NCKAP5: variants seen among roughly 807,000 people sequenced by gnomAD.
The protein encoded by NCKAP5 is NCK associated protein 5, also known as nck-associated protein 5.
Under a neutral mutation model 167.0 loss-of-function variants are expected in NCKAP5, and 92 were observed. That is an observed-to-expected ratio of 0.55 (90% CI 0.47 to 0.66). The LOEUF (loss-of-function observed/expected upper bound fraction) is 0.66, where lower values mean the gene tolerates loss of function less well. NCKAP5 is among the 30% of genes least tolerant of loss of function. NCKAP5 has a pLI of 0.00. For missense variants in NCKAP5, 2,378 were observed against 2,315.0 expected (o/e 1.03, Z -0.56); for synonymous variants, 891 against 877.4 (o/e 1.02, Z -0.27).
At chr2:133,238,309 A>T (rs2150285056) in intron 4 of NCKAP5, among the ~76,000 whole-genome samples, 1 of 152,294 alleles carries the variant, frequency 6.6e-6, no homozygotes, top group East Asian at 1.9e-4. Context: ...CAGTGGATAG[A>T]ACTCAATCTC....
chr2:133,263,834 C>CT (rs11424182), intron 4 of NCKAP5, among the ~76,000 whole-genome samples: 4,012 of 152,096 alleles, frequency 0.026, 160 homozygotes, highest in African/African-American at 0.087. Context: ...CACACAAACT[C>CT]TTTTTTTTAT....
chr2:132,788,732 C>A lies in NCKAP5; in HGVS notation c.1092+1291G>T, dbSNP rs560104844. Among the ~76,000 whole-genome samples the A allele has an allele frequency of 2.0e-5, 3 of 152,278 alleles. No homozygotes were observed. The East Asian group carries it at 5.8e-4, about 29-fold the overall frequency. ...CCTTTCTGTTTGTACACAAGTAAAA[C>A]ATACTTGTGAGCTCAAAAAGCACAA... On this transcript the variant is annotated intron_variant, in intron 13 of 19. Transcript: ENST00000409261.
chr2:133,177,699 C>T (rs913942608), intron 5 of NCKAP5, among the ~76,000 whole-genome samples: 6 of 152,296 alleles, frequency 3.9e-5, no homozygotes, highest in South Asian at 2.1e-4. Context: ...GGCACCCCAA[C>T]AACACCCATG....
At chr2:132,973,047 T>C (rs2076879895) in intron 7 of NCKAP5, among the ~76,000 whole-genome samples, 1 of 152,126 alleles carries the variant, frequency 6.6e-6, no homozygotes, top group Non-Finnish European at 1.5e-5. Flanking sequence ...AACATTTTCA[T>C]CCCAACTCCA....
intron 9 of NCKAP5, among the ~76,000 whole-genome samples, chr2:132,875,193 T>C (rs1691172074): frequency 6.6e-6 from 1 of 152,088 alleles, no homozygotes; most frequent in African/African-American, 2.4e-5. Flanking sequence ...CAGAGTCAGA[T>C]GGGAATCTCT....
At chr2:132,761,471 T>C (rs1681002151) in intron 16 of NCKAP5, among the ~76,000 whole-genome samples, 1 of 152,252 alleles carries the variant, frequency 6.6e-6, no homozygotes, top group East Asian at 1.9e-4. Flanking sequence ...CTTGCTCCTA[T>C]GGATTCTGGC....
chr2:132,806,325 T>A (rs1002109394), intron 11 of NCKAP5, among the ~76,000 whole-genome samples: 2 of 152,122 alleles, frequency 1.3e-5, no homozygotes, highest in Non-Finnish European at 1.5e-5. Context: ...GTAGTTATAT[T>A]TTTAGTTCTT....
In NCKAP5 at chr2:133,159,887, G is replaced by A. The variant is rs552619708; in HGVS notation, c.208-29776C>T. ...AGCCTCCTAAATTAAACAGTGGCTT[G>A]AAAAATGTTCTCAGGGGTCACTCTA... is the stretch of plus-strand genomic sequence containing the variant. On this transcript the variant is annotated intron_variant, in intron 5 of 19. Coordinates refer to ENST00000409261, the MANE Select transcript of NCKAP5 (RefSeq NM_207363.3). 7.1e-4 allele frequency among the ~76,000 whole-genome samples: 108 copies of A among 152,182 alleles called. 2 individuals are homozygous for A. In the South Asian group the frequency reaches 7.7e-3, roughly 11 times the overall value.
intron 3 of NCKAP5, among the ~76,000 whole-genome samples, chr2:133,403,316 T>TA (rs1688217500): frequency 6.6e-6 from 1 of 152,194 alleles, no homozygotes; most frequent in South Asian, 2.1e-4. Flanking sequence ...GCCACAGTAT[T>TA]AAAAAATACA....
chr2:132,980,776 A>C (rs550503900), intron 7 of NCKAP5, among the ~76,000 whole-genome samples: 1 of 152,124 alleles, frequency 6.6e-6, no homozygotes, highest in African/African-American at 2.4e-5. Context: ...GCTCAGAAGA[A>C]AAAAAAAGGT....
chr2:133,535,953 C>T (rs1685731616), intron 2 of NCKAP5, among the ~76,000 whole-genome samples: 1 of 151,384 alleles, frequency 6.6e-6, no homozygotes, highest in East Asian at 1.9e-4. Context: ...TGAAAAATGT[C>T]TGTTCACCTC....
At chr2:133,103,499 T>C (rs1291609071) in intron 6 of NCKAP5, among the ~76,000 whole-genome samples, 1 of 152,184 alleles carries the variant, frequency 6.6e-6, no homozygotes, top group Non-Finnish European at 1.5e-5. Context: ...GCATTATTTA[T>C]ATGGAAGCTG....
At chr2:133,272,084 T>C (rs2089539452) in intron 4 of NCKAP5, among the ~76,000 whole-genome samples, 1 of 151,950 alleles carries the variant, frequency 6.6e-6, no homozygotes, top group Admixed American at 6.6e-5. Flanking sequence ...ATAGGAAAAT[T>C]AGAAAAATTT....
At position 132,777,218 on chromosome 2, in the gene NCKAP5, T is replaced by C. The variant is rs2104986131; in HGVS notation, c.5050-3324A>G. The stretch of plus-strand genomic sequence containing the variant: ...CTCTGCAGTTCTAGTTAGGAACTAC[T>C]CCAAACACCAGTCTGCAACAGGCAA... On this transcript the variant is annotated intron_variant, in intron 15 of 19. Transcript: ENST00000409261. Among the ~76,000 whole-genome samples the C allele has an allele frequency of 1.3e-5, 2 of 152,266 alleles. 1 individual carries two copies. Among genetic ancestry groups the C allele is most frequent in the South Asian group, 4.1e-4 (2 of 4,822 alleles).
chr2:133,628,707 G>C, the NCKAP5 span, among the ~76,000 whole-genome samples: 2 of 152,158 alleles, frequency 1.3e-5, no homozygotes, highest in African/African-American at 4.8e-5. Context: ...AAAGAACAAA[G>C]CTGGGGGCAT....
chr2:133,578,383 T>C, the NCKAP5 span, among the ~76,000 whole-genome samples: 1 of 152,214 alleles, frequency 6.6e-6, no homozygotes, highest in East Asian at 1.9e-4. Context: ...GAAAGTACAA[T>C]CTTTCAGCCT....
chr2:133,377,804 C>T (rs1686251735), intron 3 of NCKAP5, among the ~76,000 whole-genome samples: 1 of 152,166 alleles, frequency 6.6e-6, no homozygotes, highest in Non-Finnish European at 1.5e-5. Context: ...AAGAACTGGG[C>T]TCACTTCCAT....
At chr2:132,916,846 T>C (rs760649537) in intron 8 of NCKAP5, among the ~76,000 whole-genome samples, 2 of 150,642 alleles carry the variant, frequency 1.3e-5, no homozygotes, top group Admixed American at 6.6e-5. Context: ...TTGGAGGGGT[T>C]AGAATAACCC....
intron 19 of NCKAP5, among the ~76,000 whole-genome samples, chr2:132,719,900 G>A (rs1689748073): frequency 6.6e-6 from 1 of 152,206 alleles, no homozygotes; most frequent in Non-Finnish European, 1.5e-5. Flanking sequence ...AAAAAGAGAG[G>A]TTTCCATTTG....
Sources: allele counts gnomAD v4.1 joint callset (sites outside exome capture counted in the v4.1 genomes callset), GRCh38; gene constraint gnomAD v4.1.1; transcripts MANE v1.5; gene names NCBI Gene and HGNC (gene_info 2026-07-23, HGNC 2026-07-21).